The following TENM3 variants were observed in gnomAD, a reference collection of about 807,000 sequenced individuals.
The protein encoded by TENM3 is teneurin-3.
TENM3 carries 63 observed loss-of-function variants against 255.1 expected under a neutral mutation model. That is an observed-to-expected ratio of 0.25 (90% CI 0.20 to 0.30). The LOEUF (loss-of-function observed/expected upper bound fraction) is 0.30. Ranked by LOEUF, TENM3 falls within the 10% of genes least tolerant of loss-of-function variation. The probability of loss-of-function intolerance (pLI) is 1.00; values close to 1 mark genes in which losing one functional copy is unlikely to be tolerated. For synonymous variants in TENM3, 1,306 were observed against 1,322.3 expected, an observed-to-expected ratio of 0.99 and a Z score of 0.27; for missense variants, 2,929 against 3,461.1, an observed-to-expected ratio of 0.85 and a Z score of 3.86.
intron 4 of TENM3, among the ~76,000 whole-genome samples, chr4:182,605,366 T>C (rs1748310343): frequency 6.6e-6 from 1 of 151,850 alleles, no homozygotes; most frequent in African/African-American, 2.4e-5. Context: ...AAAAGGAATA[T>C]TACTGAATAT....
chr4:181,837,797 G>T, the TENM3 span, among the ~76,000 whole-genome samples: 3 of 152,084 alleles, frequency 2.0e-5, no homozygotes, highest in Admixed American at 6.6e-5. Flanking sequence ...ATATGGAAGT[G>T]GGGAAAATGA....
At chr4:182,151,258 A>G (rs1487944907) in intron 1 of TENM3, among the ~76,000 whole-genome samples, 1 of 152,154 alleles carries the variant, frequency 6.6e-6, no homozygotes, top group African/African-American at 2.4e-5. Context: ...TTACAGGGAG[A>G]AATGTGTGAA....
the TENM3 span, among the ~76,000 whole-genome samples, chr4:181,473,342 C>G: frequency 2.0e-5 from 3 of 152,050 alleles, no homozygotes; most frequent in Non-Finnish European, 4.4e-5. Flanking sequence ...TAATCCAGCA[C>G]TTCAGGAGGC....
At chr4:182,445,737 C>T (rs1772863093) in intron 3 of TENM3, among the ~76,000 whole-genome samples, 1 of 152,000 alleles carries the variant, frequency 6.6e-6, no homozygotes, top group African/African-American at 2.4e-5. Flanking sequence ...AAGTAAAATT[C>T]ATTTAATATT....
chr4:182,568,351 G>A lies in TENM3; in HGVS notation c.512-32573G>A, dbSNP rs532417380. 3.3e-5 allele frequency among the ~76,000 whole-genome samples: 5 copies of A among 152,312 alleles called. No homozygotes were observed. The South Asian group carries it at 8.3e-4, about 25-fold the overall frequency. On this transcript the variant is annotated intron_variant, in intron 3 of 27. Coordinates refer to ENST00000511685, the MANE Select transcript of TENM3 (RefSeq NM_001080477.4). ...ACCTGCAGAAGAGAGGGAATAATTAGTAAAGAGGTATCTGAAAGAAGGTTG... is the reference window on the plus strand; with the variant it reads ...ACCTGCAGAAGAGAGGGAATAATTAATAAAGAGGTATCTGAAAGAAGGTTG...
At chr4:181,811,722 C>T in the TENM3 span, among the ~76,000 whole-genome samples, 1 of 152,196 alleles carries the variant, frequency 6.6e-6, no homozygotes, top group Non-Finnish European at 1.5e-5. Flanking sequence ...TCTCATGAGA[C>T]TCATTCACTA....
At chr4:181,875,079 C>T in the TENM3 span, among the ~76,000 whole-genome samples, 2 of 152,098 alleles carry the variant, frequency 1.3e-5, no homozygotes, top group East Asian at 3.9e-4. Flanking sequence ...TAGTGATAGA[C>T]AAAATAATTG....
intron 19 of TENM3, among the ~76,000 whole-genome samples, chr4:182,747,456 A>G (rs959937517): frequency 6.6e-6 from 1 of 152,210 alleles, no homozygotes; most frequent in African/African-American, 2.4e-5. Context: ...TTTTACATAC[A>G]TAGAAGCTGC....
the TENM3 span, among the ~76,000 whole-genome samples, chr4:182,124,636 T>TC: frequency 6.6e-6 from 1 of 152,040 alleles, no homozygotes; most frequent in African/African-American, 2.4e-5. Context: ...AGTAGAACAA[T>TC]CAGGAGAGAA....
At chr4:182,382,360 GTTTTT>G (rs35199503) in intron 3 of TENM3, among the ~76,000 whole-genome samples, 36 of 148,286 alleles carry the variant, frequency 2.4e-4, no homozygotes, top group Admixed American at 1.8e-3. Context: ...ACCATTTCTT[GTTTTT>G]TTTTTTTATA....
intron 6 of TENM3, among the ~76,000 whole-genome samples, chr4:182,662,520 T>C (rs182334833): frequency 4.4e-4 from 67 of 152,288 alleles, no homozygotes; most frequent in Middle Eastern, 3.4e-3. Context: ...TTTCCTCCAG[T>C]TTTCCTCCTT....
the TENM3 span, among the ~76,000 whole-genome samples, chr4:181,533,866 C>G: frequency 6.6e-6 from 1 of 152,144 alleles, no homozygotes; most frequent in Non-Finnish European, 1.5e-5. Context: ...CTTGGGTTCC[C>G]CATTATCACT....
At chr4:181,845,347 T>A in the TENM3 span, among the ~76,000 whole-genome samples, 1 of 152,238 alleles carries the variant, frequency 6.6e-6, no homozygotes, top group Non-Finnish European at 1.5e-5. Flanking sequence ...TTTTACTATA[T>A]AACCAGGAAA....
At chr4:182,627,969 G>A (rs1750991581) in intron 4 of TENM3, among the ~76,000 whole-genome samples, 1 of 152,242 alleles carries the variant, frequency 6.6e-6, no homozygotes, top group African/African-American at 2.4e-5. Flanking sequence ...TAGGTTTGGT[G>A]TTAGAAGATG....
At position 182,470,118 on chromosome 4, in the gene TENM3, G is replaced by C. The variant is rs575079602; in HGVS notation, c.511+123189G>C. On this transcript the variant is annotated intron_variant, in intron 3 of 27. Transcript: ENST00000511685. ...GTACGAAACCATTTTATATGCTGTA[G>C]AAACTGGCTTCGTAATGGGCCCCTA... Among the ~76,000 whole-genome samples the C allele has an allele frequency of 1.7e-4, 26 of 152,236 alleles. 1 individual carries two copies. In the South Asian group the frequency reaches 5.2e-3, roughly 30 times the overall value.
chr4:182,314,808 A>C (rs546938557), intron 1 of TENM3, among the ~76,000 whole-genome samples: 27 of 152,036 alleles, frequency 1.8e-4, no homozygotes, highest in Admixed American at 1.0e-3. Context: ...TCATCTTGCT[A>C]TTTGCATTTG....
At chr4:182,158,041 C>T (rs868384249) in intron 1 of TENM3, among the ~76,000 whole-genome samples, 1 of 152,064 alleles carries the variant, frequency 6.6e-6, no homozygotes, top group Non-Finnish European at 1.5e-5. Flanking sequence ...AACAACAGAG[C>T]AAGTTTGATG....
At position 182,793,763 on chromosome 4, in the gene TENM3, G is replaced by A. The variant is rs376065634; in HGVS notation, c.7091G>A (p.Trp2364Ter). ...GATTATGACATTTTGGCAGGACGGT[G>A]GACAACACCTGACATAGAAATCTGG... is the stretch of plus-strand genomic sequence containing the variant. ...ERDYDILAGR[W>*]TTPDIEIWKR... Residue 2364 changes from tryptophan to a stop codon, truncating the protein, a stop_gained, in exon 26 of 28, where the codon TGG becomes TAG. Coordinates refer to ENST00000511685, the MANE Select transcript of TENM3 (RefSeq NM_001080477.4). LOFTEE classifies it high-confidence loss of function. This position sits in a 1 kb window ranked among gnomAD's most constrained non-coding sequence, Gnocchi z 5.7. 1 of 1,613,802 alleles carries A rather than the reference G, an allele frequency of 6.2e-7. No homozygotes were observed. Among genetic ancestry groups the A allele is most frequent in the Non-Finnish European group, 8.5e-7 (1 of 1,179,878 alleles).
chr4:182,361,350 G>A (rs888020020), intron 3 of TENM3, among the ~76,000 whole-genome samples: 3 of 152,162 alleles, frequency 2.0e-5, no homozygotes, highest in Non-Finnish European at 4.4e-5. Flanking sequence ...GTCACTTTCA[G>A]GTACACCAAT....
Sources: gnomAD v4.1 joint callset for allele counts (sites outside exome capture counted in the v4.1 genomes callset) on GRCh38, gnomAD v4.1.1 for gene constraint, Gnocchi (gnomAD v3.1) non-coding constraint, MANE v1.5 for transcripts, NCBI Gene and HGNC (gene_info 2026-07-23, HGNC 2026-07-21) for gene names.